The following KCNQ3 variants were observed in gnomAD, a reference collection of about 807,000 sequenced individuals.
KCNQ3 encodes potassium voltage-gated channel subfamily Q member 3.
Under a neutral mutation model 92.5 loss-of-function variants are expected in KCNQ3, and 30 were observed. The ratio of observed to expected loss-of-function variants is 0.32; its 90% confidence interval spans 0.24 to 0.44. The LOEUF (loss-of-function observed/expected upper bound fraction) is 0.44. Ranked by LOEUF, KCNQ3 falls within the 20% of genes least tolerant of loss-of-function variation. The pLI, the probability that KCNQ3 is intolerant of heterozygous loss-of-function variation, is 1.00. For missense variants in KCNQ3, 913 were observed against 1,140.3 expected, an observed-to-expected ratio of 0.80 and a Z score of 2.87; for synonymous variants, 450 against 468.8, an observed-to-expected ratio of 0.96 and a Z score of 0.52.
At chr8:132,347,475 G>A (rs948052631) in intron 1 of KCNQ3, among the ~76,000 whole-genome samples, 14 of 152,120 alleles carry the variant, frequency 9.2e-5, no homozygotes, top group South Asian at 4.1e-4. Flanking sequence ...ATTTGCTAGC[G>A]GGGGAGGGAG....
intron 1 of KCNQ3, among the ~76,000 whole-genome samples, chr8:132,401,325 C>T (rs1352369082): frequency 6.6e-6 from 1 of 152,062 alleles, no homozygotes; most frequent in Admixed American, 6.6e-5. Flanking sequence ...TCCCATGTCC[C>T]TTTTATCCCC....
At chr8:132,422,765 G>A (rs1294302212) in intron 1 of KCNQ3, among the ~76,000 whole-genome samples, 2 of 152,192 alleles carry the variant, frequency 1.3e-5, no homozygotes, top group Non-Finnish European at 2.9e-5. Flanking sequence ...TTGTCTGTCT[G>A]CCTCCGCAAC....
chr8:132,444,190 T>G (rs1300445827), intron 1 of KCNQ3, among the ~76,000 whole-genome samples: 1 of 152,088 alleles, frequency 6.6e-6, no homozygotes, highest in Non-Finnish European at 1.5e-5. Flanking sequence ...AGGACGTGGG[T>G]GGGTTGCTGA....
At chr8:132,374,514 C>A (rs909322959) in intron 1 of KCNQ3, among the ~76,000 whole-genome samples, 5 of 152,210 alleles carry the variant, frequency 3.3e-5, no homozygotes, top group Admixed American at 6.5e-5. Context: ...TCCCGGAAAG[C>A]TAACGTTTTC....
chr8:132,376,438 C>G (rs1359963947), intron 1 of KCNQ3, among the ~76,000 whole-genome samples: 1 of 152,170 alleles, frequency 6.6e-6, no homozygotes, highest in Non-Finnish European at 1.5e-5. Context: ...ACTCACCCAG[C>G]CCTGGGCACA....
At chr8:132,230,969 T>C (rs1386595567) in intron 1 of KCNQ3, among the ~76,000 whole-genome samples, 3 of 152,206 alleles carry the variant, frequency 2.0e-5, no homozygotes, top group South Asian at 2.1e-4. Context: ...GAGGTTATGA[T>C]GGGCCCAAAT....
intron 1 of KCNQ3, among the ~76,000 whole-genome samples, chr8:132,393,338 A>T (rs1444351391): frequency 6.6e-6 from 1 of 152,220 alleles, no homozygotes; most frequent in African/African-American, 2.4e-5. Context: ...GGATTGGCAA[A>T]CTTCTCATAG....
At chr8:132,335,029 GTTTTC>G (rs994765323) in intron 1 of KCNQ3, among the ~76,000 whole-genome samples, 15 of 138,980 alleles carry the variant, frequency 1.1e-4, no homozygotes, top group Admixed American at 7.2e-5. Flanking sequence ...TTCCTTCCTT[GTTTTC>G]TTTTCTTTTC....
chr8:132,368,375 C>T (rs531279390), intron 1 of KCNQ3, among the ~76,000 whole-genome samples: 1 of 152,208 alleles, frequency 6.6e-6, no homozygotes, highest in East Asian at 1.9e-4. Flanking sequence ...TATAAATAGT[C>T]GTGCACAGTG....
At chr8:132,264,778 C>A (rs1047959776) in intron 1 of KCNQ3, among the ~76,000 whole-genome samples, 6 of 152,158 alleles carry the variant, frequency 3.9e-5, no homozygotes, top group African/African-American at 1.4e-4. Context: ...GGTTCTTCAT[C>A]TATATTTCAG....
chr8:132,298,130 T>C (rs992926409), intron 1 of KCNQ3, among the ~76,000 whole-genome samples: 2 of 152,174 alleles, frequency 1.3e-5, no homozygotes, highest in African/African-American at 4.8e-5. Context: ...TACAGGGGGA[T>C]GCTGGCTAGT....
At chr8:132,349,886 A>G (rs1254562722) in intron 1 of KCNQ3, among the ~76,000 whole-genome samples, 1 of 152,226 alleles carries the variant, frequency 6.6e-6, no homozygotes, top group Non-Finnish European at 1.5e-5. Context: ...TTTTGTGACA[A>G]CAGCTGACTG....
intron 1 of KCNQ3, among the ~76,000 whole-genome samples, chr8:132,247,237 AT>A (rs1383983565): frequency 6.6e-6 from 1 of 152,126 alleles, no homozygotes; most frequent in Non-Finnish European, 1.5e-5. Flanking sequence ...ATGTCTATGC[AT>A]TTTCTCTTCT....
chr8:132,374,270 G>C (rs942067154), intron 1 of KCNQ3, among the ~76,000 whole-genome samples: 5 of 152,150 alleles, frequency 3.3e-5, no homozygotes, highest in African/African-American at 1.2e-4. Context: ...TTCTCATGGT[G>C]ATGTTGTAAA....
intron 1 of KCNQ3, among the ~76,000 whole-genome samples, chr8:132,397,524 T>A (rs975628736): frequency 2.6e-5 from 4 of 152,186 alleles, no homozygotes; most frequent in African/African-American, 9.7e-5. Flanking sequence ...TATAGGTAAG[T>A]GCTGGGTACA....
intron 1 of KCNQ3, among the ~76,000 whole-genome samples, chr8:132,384,474 A>C (rs1404887681): frequency 1.3e-5 from 2 of 152,224 alleles, no homozygotes; most frequent in African/African-American, 4.8e-5. Context: ...AATGGAAGAT[A>C]AAAGAATCAG....
chr8:132,187,829 TG>T, intron 1 of KCNQ3, among the ~76,000 whole-genome samples: 1 of 139,580 alleles, frequency 7.2e-6, no homozygotes, highest in African/African-American at 3.1e-5. Context: ...GTGGTGGTGG[TG>T]ATTGTGGTGG....
chr8:132,331,606 C>T (rs961569682), intron 1 of KCNQ3, among the ~76,000 whole-genome samples: 3 of 152,202 alleles, frequency 2.0e-5, no homozygotes, highest in Non-Finnish European at 4.4e-5. Flanking sequence ...CTTCCTCCTC[C>T]TCCTGCTCCT....
chr8:132,157,298 G>T (rs1464791372), intron 9 of KCNQ3, among the ~76,000 whole-genome samples: 1 of 152,168 alleles, frequency 6.6e-6, no homozygotes, highest in Non-Finnish European at 1.5e-5. Flanking sequence ...ACCATAAGGA[G>T]GACCATCTTT....
Sources: allele counts gnomAD v4.1 joint callset (sites outside exome capture counted in the v4.1 genomes callset), GRCh38; gene constraint gnomAD v4.1.1; transcripts MANE v1.5; gene names NCBI Gene and HGNC (gene_info 2026-07-23, HGNC 2026-07-21).